MDGA2: variants seen among roughly 807,000 people sequenced by gnomAD.
MDGA2 encodes MAM domain containing glycosylphosphatidylinositol anchor 2.
Under a neutral mutation model 117.8 loss-of-function variants are expected in MDGA2, and 40 were observed. The observed-to-expected ratio is 0.34, with a 90% confidence interval of 0.26 to 0.44. MDGA2 has a LOEUF of 0.44. Ranked by LOEUF, MDGA2 falls within the 20% of genes least tolerant of loss-of-function variation. The probability of loss-of-function intolerance (pLI) is 1.00; values close to 1 mark genes in which losing one functional copy is unlikely to be tolerated. For synonymous variants in MDGA2, 452 were observed against 439.0 expected (o/e 1.03, Z -0.37); for missense variants, 1,123 against 1,250.6 (o/e 0.90, Z 1.54).
At position 47,500,269 on chromosome 14, in the gene MDGA2, C is replaced by T. The variant is rs970519226; in HGVS notation, c.280+174248G>A. ...ACTGAACAATTGACCATTTAGAGGCCTCAGCCCGTAACAGGAATTCTTTCC... is the reference window on the plus strand; with the variant it reads ...ACTGAACAATTGACCATTTAGAGGCTTCAGCCCGTAACAGGAATTCTTTCC... On this transcript the variant is annotated intron_variant, in intron 1 of 16. Coordinates refer to ENST00000399232, the MANE Select transcript of MDGA2 (RefSeq NM_001113498.3). 7.2e-5 allele frequency among the ~76,000 whole-genome samples: 11 copies of T among 151,962 alleles called. No individual in the cohort carries two copies. The East Asian group carries it at 2.1e-3, about 29-fold the overall frequency.
chr14:47,431,482 G>T (rs1001327293), intron 1 of MDGA2, among the ~76,000 whole-genome samples: 1 of 151,956 alleles, frequency 6.6e-6, no homozygotes, highest in Non-Finnish European at 1.5e-5. Context: ...CAATGCCCAG[G>T]CACACAAAAA....
At chr14:47,120,569 A>G (rs1881596498) in intron 5 of MDGA2, among the ~76,000 whole-genome samples, 1 of 152,202 alleles carries the variant, frequency 6.6e-6, no homozygotes, top group Admixed American at 6.5e-5. Flanking sequence ...TATCAAGAAA[A>G]AAATAAATAT....
intron 9 of MDGA2, among the ~76,000 whole-genome samples, chr14:46,927,902 T>G (rs573123550): frequency 6.6e-6 from 1 of 152,272 alleles, no homozygotes; most frequent in Non-Finnish European, 1.5e-5. Flanking sequence ...ACTTCAGCAC[T>G]CAAGAGCTTC....
chr14:46,873,994 G>GTT (rs1882124194), intron 13 of MDGA2, 51 bp downstream of exon 13: 7 of 1,420,806 alleles, frequency 4.9e-6, no homozygotes, highest in Non-Finnish European at 6.6e-6. Context: ...ATTTATAGCA[G>GTT]TTTTTAAAAG....
At chr14:47,248,004 C>T (rs1023099944) in intron 2 of MDGA2, among the ~76,000 whole-genome samples, 4 of 151,392 alleles carry the variant, frequency 2.6e-5, no homozygotes, top group Non-Finnish European at 4.4e-5. Flanking sequence ...GCATAGTATT[C>T]CATGGTATAT....
intron 9 of MDGA2, among the ~76,000 whole-genome samples, chr14:46,953,259 A>G (rs942513162): frequency 1.3e-5 from 2 of 151,814 alleles, no homozygotes; most frequent in Non-Finnish European, 2.9e-5. Flanking sequence ...TTTATACTCA[A>G]TTATAATTTA....
At chr14:47,187,502 T>A (rs1354249123) in intron 3 of MDGA2, among the ~76,000 whole-genome samples, 1 of 152,054 alleles carries the variant, frequency 6.6e-6, no homozygotes, top group East Asian at 1.9e-4. Context: ...GTATTAAACA[T>A]ATTTTCTTCA....
intron 2 of MDGA2, among the ~76,000 whole-genome samples, chr14:47,260,796 T>G (rs968811635): frequency 2.0e-5 from 3 of 151,996 alleles, no homozygotes; most frequent in African/African-American, 7.2e-5. Context: ...CAAACCTACA[T>G]TTTCAGGATA....
intron 10 of MDGA2, among the ~76,000 whole-genome samples, chr14:46,896,602 G>A (rs1034230140): frequency 6.6e-6 from 1 of 151,902 alleles, no homozygotes; most frequent in Admixed American, 6.6e-5. Flanking sequence ...GTGTAAGGGA[G>A]AACAGACATG....
In MDGA2 at chr14:47,626,868, C is replaced by A. The variant is rs182613066; in HGVS notation, c.280+47649G>T. Reference sequence around the variant, plus strand: ...CCCCCTGCTCCACAGCGCCCAGAACCGCCCAAGGGCTGCGGAGTGCAGGCG... The same window carrying A: ...CCCCCTGCTCCACAGCGCCCAGAACAGCCCAAGGGCTGCGGAGTGCAGGCG... On this transcript the variant is annotated intron_variant, in intron 1 of 16. Transcript: ENST00000399232. 4.9e-4 allele frequency among the ~76,000 whole-genome samples: 75 copies of A among 152,356 alleles called. 3 individuals carry two copies. The highest frequency in any genetic ancestry group is 1.8e-3 in the African/African-American group (74 of 41,592).
intron 1 of MDGA2, among the ~76,000 whole-genome samples, chr14:47,446,785 A>C (rs944713735): frequency 2.0e-4 from 31 of 152,116 alleles, no homozygotes; most frequent in African/African-American, 7.2e-4. Context: ...AATTTTAAAA[A>C]AAGTAAAAGA....
chr14:46,924,027 A>G (rs551188990), intron 9 of MDGA2, among the ~76,000 whole-genome samples: 1 of 152,106 alleles, frequency 6.6e-6, no homozygotes, highest in African/African-American at 2.4e-5. Context: ...AACTTTTCAC[A>G]TTCTAGTTTT....
Position 46,920,041 on chromosome 14 carries a change from T to G in MDGA2, c.2209A>C (p.Ile737Leu). The G allele has an allele frequency of 6.3e-7, 1 of 1,589,684 alleles. No homozygotes were observed. Among genetic ancestry groups the G allele is most frequent in the Non-Finnish European group, 8.5e-7 (1 of 1,170,842 alleles). Reference protein sequence around the residue: ...TQMNPDAVDRIVAYRLGIRQA... With the variant: ...TQMNPDAVDRLVAYRLGIRQA... Reference sequence around the variant, plus strand: ...CTGATGCCCAACCGGTATGCAACAATCCGATCCACTGCATCAGGATTCATC... The same window carrying G: ...CTGATGCCCAACCGGTATGCAACAAGCCGATCCACTGCATCAGGATTCATC... The change falls in exon 10 of 17, where the codon ATT becomes CTT. Residue 737 changes from isoleucine (I) to leucine (L), a missense_variant. Around this residue, in one of 2 missense-constraint regions of MDGA2, gnomAD observed 890 missense variants for 1,050.3 expected, o/e 0.85. Transcript: ENST00000399232.
At chr14:47,000,843 T>C (rs1566568198) in intron 8 of MDGA2, among the ~76,000 whole-genome samples, 1 of 151,932 alleles carries the variant, frequency 6.6e-6, no homozygotes, top group African/African-American at 2.4e-5. Flanking sequence ...AAGAAAATAA[T>C]ACCATTTAAA....
intron 8 of MDGA2, among the ~76,000 whole-genome samples, chr14:47,024,253 G>A (rs1019877191): frequency 2.0e-5 from 3 of 152,092 alleles, no homozygotes; most frequent in Admixed American, 6.5e-5. Flanking sequence ...TGAAAACTTT[G>A]TGTACTGAAA....
At chr14:47,291,573 CA>C (rs1888890296) in intron 2 of MDGA2, among the ~76,000 whole-genome samples, 1 of 152,172 alleles carries the variant, frequency 6.6e-6, no homozygotes, top group African/African-American at 2.4e-5. Flanking sequence ...CTATCTTAAA[CA>C]TGCTTAGAAC....
chr14:47,492,617 C>T (rs1013464871), intron 1 of MDGA2, among the ~76,000 whole-genome samples: 9 of 152,090 alleles, frequency 5.9e-5, no homozygotes, highest in African/African-American at 2.2e-4. Flanking sequence ...AGTTAATTTT[C>T]ATCACCATAG....
chr14:47,276,985 T>A (rs1045337452), intron 2 of MDGA2, among the ~76,000 whole-genome samples: 1 of 152,132 alleles, frequency 6.6e-6, no homozygotes, highest in African/African-American at 2.4e-5. Flanking sequence ...ACCACACCAC[T>A]ACCAGCCTGG....
chr14:47,640,017 A>G (rs1428861344), intron 1 of MDGA2, among the ~76,000 whole-genome samples: 2 of 152,206 alleles, frequency 1.3e-5, no homozygotes, highest in African/African-American at 2.4e-5. Context: ...ACTCTCAAGT[A>G]AATGTGTAAC....
Sources: allele counts gnomAD v4.1 joint callset (sites outside exome capture counted in the v4.1 genomes callset), GRCh38; gene constraint gnomAD v4.1.1; regional missense constraint gnomAD v4.1.1; transcripts MANE v1.5; gene names NCBI Gene and HGNC (gene_info 2026-07-23, HGNC 2026-07-21).